DIS3L2: variants seen among roughly 807,000 people sequenced by gnomAD.
DIS3L2 encodes DIS3-like exonuclease 2.
A neutral mutation model predicts 97.5 loss-of-function variants in DIS3L2; 34 were observed. The ratio of observed to expected loss-of-function variants is 0.35; its 90% CI spans 0.27 to 0.46. The LOEUF (loss-of-function observed/expected upper bound fraction) is 0.46, where lower values mean the gene tolerates loss of function less well. DIS3L2 is among the 20% of genes least tolerant of loss of function. DIS3L2 has a pLI of 1.00. For missense variants in DIS3L2, 1,038 were observed against 1,146.0 expected, an observed-to-expected ratio of 0.91 and a Z score of 1.36; for synonymous variants, 435 against 445.2, an observed-to-expected ratio of 0.98 and a Z score of 0.29.
rs374740098 is a variant in DIS3L2, at chr2:232,249,234, T to G, written c.1318-5T>G. On this transcript the variant is annotated splice_region_variant and splice_polypyrimidine_tract_variant and intron_variant, in intron 11 of 20. Coordinates refer to ENST00000325385, the MANE Select transcript of DIS3L2 (RefSeq NM_152383.5). Reference sequence around the variant, plus strand: ...GGTGCTCATGGGCCTGTGCTCTATTTACAGGTGGTCCCCATGCTTCCCAGG... The same window carrying G: ...GGTGCTCATGGGCCTGTGCTCTATTGACAGGTGGTCCCCATGCTTCCCAGG... 3.1e-6 allele frequency: 5 copies of G among 1,613,608 alleles called. No homozygotes were observed. Among genetic ancestry groups the G allele is most frequent in the Non-Finnish European group, 4.2e-6 (5 of 1,179,946 alleles).
intron 12 of DIS3L2, among the ~76,000 whole-genome samples, chr2:232,258,826 G>T (rs1412744840): frequency 6.6e-6 from 1 of 152,158 alleles, no homozygotes; most frequent in Non-Finnish European, 1.5e-5. Context: ...CATACTGTGA[G>T]GTTGGCTATT....
intron 1 of DIS3L2, among the ~76,000 whole-genome samples, chr2:231,973,541 T>C (rs944971294): frequency 3.3e-5 from 5 of 152,154 alleles, no homozygotes; most frequent in Admixed American, 6.5e-5. Flanking sequence ...TAAAGCTTTA[T>C]TTATTTACAT....
intron 6 of DIS3L2, among the ~76,000 whole-genome samples, chr2:232,101,247 A>G (rs1697198135): frequency 6.6e-6 from 1 of 151,766 alleles, no homozygotes; most frequent in South Asian, 2.1e-4. Context: ...TATACCTTCC[A>G]TTTAAAAATC....
At chr2:232,250,378 G>A (rs1220989818) in intron 12 of DIS3L2, among the ~76,000 whole-genome samples, 6 of 152,118 alleles carry the variant, frequency 3.9e-5, no homozygotes, top group Middle Eastern at 3.4e-3. Context: ...GACAAAGAGA[G>A]TGGGAGAGGA....
chr2:232,253,123 C>T (rs1693462797), intron 12 of DIS3L2, among the ~76,000 whole-genome samples: 2 of 152,210 alleles, frequency 1.3e-5, no homozygotes, highest in African/African-American at 4.8e-5. Flanking sequence ...CAGCGTACCT[C>T]TACATGCAGC....
intron 14 of DIS3L2, 38 bp downstream of exon 14, chr2:232,300,157 T>G: frequency 1.3e-6 from 2 of 1,588,794 alleles, no homozygotes; most frequent in South Asian, 1.1e-5. Context: ...ACTTCACATG[T>G]GTGCAGCAGT....
chr2:232,002,249 A>C (rs1693929634), intron 1 of DIS3L2, among the ~76,000 whole-genome samples: 1 of 152,076 alleles, frequency 6.6e-6, no homozygotes, highest in African/African-American at 2.4e-5. Flanking sequence ...CTTTGATGCC[A>C]GTACTGTGCT....
rs570019556 is a variant in DIS3L2 at position 232,125,119 on chromosome 2, A to C, written c.602-5500A>C. Among the ~76,000 whole-genome samples, 8 of 152,250 alleles carry C rather than the reference A, an allele frequency of 5.3e-5. No individual in the cohort carries two copies. The South Asian group carries it at 1.7e-3, about 32-fold the overall frequency. ...CCTTTCTAAAATGCTCCCTCGTCCC[A>C]TTCACCTAGCTATTTCCTACTCAGC... On this transcript the variant is annotated intron_variant, in intron 6 of 20. Coordinates refer to ENST00000325385, the MANE Select transcript of DIS3L2 (RefSeq NM_152383.5).
intron 1 of DIS3L2, among the ~76,000 whole-genome samples, chr2:231,981,658 A>G (rs1201402654): frequency 7.1e-6 from 1 of 140,502 alleles, no homozygotes; most frequent in Non-Finnish European, 1.5e-5. Flanking sequence ...TACATATTAT[A>G]TATCATATTT....
intron 16 of DIS3L2, among the ~76,000 whole-genome samples, chr2:232,331,141 A>G (rs1284676667): frequency 6.6e-6 from 1 of 152,262 alleles, no homozygotes; most frequent in East Asian, 1.9e-4. Flanking sequence ...CCATCCCCAC[A>G]TGTGGAGTCC....
At chr2:232,125,476 A>G (rs3103265) in intron 6 of DIS3L2, among the ~76,000 whole-genome samples, 150,020 of 152,302 alleles carry the variant, frequency 0.99, 73,888 homozygotes, top group East Asian at 1. Flanking sequence ...CAACACCAGC[A>G]TCCTGCATGC....
At chr2:232,196,402 A>G (rs1039477320) in intron 9 of DIS3L2, among the ~76,000 whole-genome samples, 5 of 152,238 alleles carry the variant, frequency 3.3e-5, no homozygotes, top group Admixed American at 6.5e-5. Context: ...AATATTTTAT[A>G]AAACGGTGCC....
intron 13 of DIS3L2, among the ~76,000 whole-genome samples, chr2:232,296,099 C>T (rs149657118): frequency 2.1e-3 from 327 of 152,302 alleles, no homozygotes; most frequent in African/African-American, 7.2e-3. Context: ...TGTTAGAATC[C>T]GCAATCTCAG....
At chr2:232,058,774 C>T (rs1559582886) in intron 5 of DIS3L2, among the ~76,000 whole-genome samples, 1 of 152,136 alleles carries the variant, frequency 6.6e-6, no homozygotes, top group Non-Finnish European at 1.5e-5. Context: ...AGGTTTAAGT[C>T]AGTCATTGAT....
chr2:232,172,509 A>G (rs942889784), intron 9 of DIS3L2: 6 of 356,054 alleles, frequency 1.7e-5, no homozygotes, highest in Non-Finnish European at 2.9e-5. Context: ...ATTCTGTTGT[A>G]TGGATATTTC....
At chr2:232,329,789 T>TGCC in intron 14 of DIS3L2, 24 bp from the exon 15 acceptor site, 8 of 368,620 alleles carry the variant, frequency 2.2e-5, no homozygotes, top group South Asian at 8.5e-5. Context: ...CAGCGGTCCC[T>TGCC]CCCATCCCAC....
At position 232,085,309 on chromosome 2, in the gene DIS3L2, T is replaced by G. The variant is rs557603129; in HGVS notation, c.367-2178T>G. ...CGACTTTTGATTGTGTTCACTGTTC[T>G]GCCCTTGGCACCTAGAACAGTTTCT... On this transcript the variant is annotated intron_variant, in intron 5 of 20. Coordinates refer to ENST00000325385, the MANE Select transcript of DIS3L2 (RefSeq NM_152383.5). Among the ~76,000 whole-genome samples the G allele has an allele frequency of 2.6e-5, 4 of 152,328 alleles. No individual in the cohort carries two copies. The South Asian group carries it at 8.3e-4, about 32-fold the overall frequency.
In DIS3L2 at chr2:232,321,277, T is replaced by G. The variant is rs144307830; in HGVS notation, c.1740-8536T>G. Among the ~76,000 whole-genome samples the G allele has an allele frequency of 5.4e-3, 817 of 152,128 alleles. 10 individuals carry two copies. Among genetic ancestry groups the G allele is most frequent in the African/African-American group, 0.018 (755 of 41,492 alleles). ...CCACACTCAGACCTGGGCGAGGGACTGACCTGGAGACCTCCTGAGCTTTCT... is the reference window on the plus strand; with the variant it reads ...CCACACTCAGACCTGGGCGAGGGACGGACCTGGAGACCTCCTGAGCTTTCT... On this transcript the variant is annotated intron_variant, in intron 14 of 20. Transcript: ENST00000325385.
chr2:231,972,778 A>G (rs1006445561), intron 1 of DIS3L2, among the ~76,000 whole-genome samples: 1 of 152,190 alleles, frequency 6.6e-6, no homozygotes, highest in Non-Finnish European at 1.5e-5. Context: ...TCCTGAGCTC[A>G]GGTGATCTGC....
Sources: gnomAD v4.1 joint callset for allele counts (sites outside exome capture counted in the v4.1 genomes callset) on GRCh38, gnomAD v4.1.1 for gene constraint, MANE v1.5 for transcripts, NCBI Gene and HGNC (gene_info 2026-07-23, HGNC 2026-07-21) for gene names.